The following CDH12 variants were observed in gnomAD, a reference collection of about 807,000 sequenced individuals.
The protein encoded by CDH12 is cadherin-12.
Under a neutral mutation model 74.1 loss-of-function variants are expected in CDH12, and 41 were observed. The ratio of observed to expected loss-of-function variants is 0.55; its 90% confidence interval spans 0.43 to 0.72. The LOEUF (loss-of-function observed/expected upper bound fraction) is 0.72, where lower values mean the gene tolerates loss of function less well. Ranked by LOEUF, CDH12 falls within the 30% of genes least tolerant of loss-of-function variation. CDH12 has a pLI of 0.00. For missense variants in CDH12, 945 were observed against 977.2 expected, an observed-to-expected ratio of 0.97 and a Z score of 0.44; for synonymous variants, 399 against 355.0, an observed-to-expected ratio of 1.12 and a Z score of -1.39.
At chr5:21,901,018 T>C (rs758432852) in intron 6 of CDH12, among the ~76,000 whole-genome samples, 7 of 152,192 alleles carry the variant, frequency 4.6e-5, no homozygotes, top group Non-Finnish European at 1.0e-4. Flanking sequence ...GTAAATATTG[T>C]GAAATAATAT....
At chr5:22,245,010 A>G (rs1386101940) in intron 3 of CDH12, among the ~76,000 whole-genome samples, 1 of 152,098 alleles carries the variant, frequency 6.6e-6, no homozygotes, top group East Asian at 1.9e-4. Flanking sequence ...GGGCCCGCTG[A>G]TATGGTGGAG....
chr5:22,161,022 T>C (rs957557154), intron 4 of CDH12, among the ~76,000 whole-genome samples: 11 of 152,112 alleles, frequency 7.2e-5, no homozygotes, highest in Non-Finnish European at 1.6e-4. Context: ...CATTTAACAC[T>C]CATGACCCTT....
chr5:22,400,352 T>A (rs112807385), intron 3 of CDH12, among the ~76,000 whole-genome samples: 2,418 of 152,238 alleles, frequency 0.016, 37 homozygotes, highest in Non-Finnish European at 0.026. Flanking sequence ...TCTTGGAGTT[T>A]GAGTTGAATG....
At chr5:22,551,676 T>C (rs1435594497) in intron 1 of CDH12, among the ~76,000 whole-genome samples, 1 of 151,990 alleles carries the variant, frequency 6.6e-6, no homozygotes, top group Non-Finnish European at 1.5e-5. Context: ...GGGACACAGA[T>C]AGTTATCTAA....
At chr5:21,805,850 T>C (rs1245902830) in intron 9 of CDH12, among the ~76,000 whole-genome samples, 4 of 152,204 alleles carry the variant, frequency 2.6e-5, no homozygotes, top group Non-Finnish European at 5.9e-5. Context: ...GTTGAACTAA[T>C]TTATCTCTTG....
chr5:22,372,687 G>A (rs1371308589), intron 3 of CDH12, among the ~76,000 whole-genome samples: 1 of 152,142 alleles, frequency 6.6e-6, no homozygotes, highest in African/African-American at 2.4e-5. Context: ...CAGACACAGA[G>A]AAACTGTAAG....
chr5:22,711,138 G>A (rs1743267541), intron 1 of CDH12, among the ~76,000 whole-genome samples: 1 of 151,962 alleles, frequency 6.6e-6, no homozygotes, highest in African/African-American at 2.4e-5. Context: ...AACAGTGAAT[G>A]ATAAAGAACA....
intron 6 of CDH12, among the ~76,000 whole-genome samples, chr5:21,919,933 T>A (rs974788643): frequency 6.6e-6 from 1 of 152,198 alleles, no homozygotes; most frequent in Non-Finnish European, 1.5e-5. Context: ...TCTCTTGATG[T>A]TTCCAGTGAT....
chr5:21,802,711 C>A (rs747039287), intron 9 of CDH12, among the ~76,000 whole-genome samples: 65 of 150,580 alleles, frequency 4.3e-4, no homozygotes, highest in Non-Finnish European at 8.1e-4. Context: ...CCTGCCTCAG[C>A]TTCCGGAGGA....
chr5:22,420,428 G>T (rs983320310), intron 2 of CDH12, among the ~76,000 whole-genome samples: 5 of 152,070 alleles, frequency 3.3e-5, no homozygotes, highest in African/African-American at 7.2e-5. Flanking sequence ...ATTAAATAGA[G>T]AATCCTTTCC....
intron 13 of CDH12, 29 bp downstream of exon 13, chr5:21,760,529 G>T (rs778998092): frequency 1.9e-6 from 2 of 1,046,582 alleles, no homozygotes; most frequent in Non-Finnish European, 3.0e-6. Flanking sequence ...TACATGATAA[G>T]AGGTAAATTT....
At chr5:22,658,640 G>C (rs986382587) in intron 1 of CDH12, among the ~76,000 whole-genome samples, 1 of 151,908 alleles carries the variant, frequency 6.6e-6, no homozygotes, top group Admixed American at 6.6e-5. Context: ...AATCCCAGCT[G>C]ATCATTGTCT....
intron 2 of CDH12, among the ~76,000 whole-genome samples, chr5:22,448,335 A>T (rs1439789774): frequency 6.6e-6 from 1 of 151,982 alleles, no homozygotes; most frequent in Non-Finnish European, 1.5e-5. Flanking sequence ...ATGCAAAAAA[A>T]AAATATGCCA....
intron 6 of CDH12, among the ~76,000 whole-genome samples, chr5:21,915,776 G>C (rs1450053598): frequency 2.0e-5 from 3 of 150,900 alleles, no homozygotes; most frequent in Admixed American, 1.3e-4. Context: ...GACAAGTTAC[G>C]CTCCATCCGC....
chr5:22,547,714 T>C (rs534427599), intron 1 of CDH12, among the ~76,000 whole-genome samples: 5 of 152,198 alleles, frequency 3.3e-5, no homozygotes, highest in African/African-American at 2.4e-5. Context: ...TATGTTTTGA[T>C]AGTGGGTTAA....
chr5:22,777,708 G>A (rs370265482), intron 1 of CDH12, among the ~76,000 whole-genome samples: 14 of 152,028 alleles, frequency 9.2e-5, no homozygotes, highest in South Asian at 2.1e-4. Flanking sequence ...AAAGGTGTTC[G>A]TCATTATAAA....
intron 4 of CDH12, among the ~76,000 whole-genome samples, chr5:22,091,794 A>C (rs547325321): frequency 2.6e-4 from 39 of 152,020 alleles, no homozygotes; most frequent in African/African-American, 9.4e-4. Flanking sequence ...CACACTTTTC[A>C]CTTTTAAAGC....
intron 3 of CDH12, among the ~76,000 whole-genome samples, chr5:22,375,224 T>A (rs1339029538): frequency 6.6e-6 from 1 of 152,076 alleles, no homozygotes; most frequent in East Asian, 1.9e-4. Flanking sequence ...CAATAAATGG[T>A]ATTGGGAATT....
chr5:22,423,276 A>G lies in CDH12; in HGVS notation c.-427-17925T>C, dbSNP rs141063056. On this transcript the variant is annotated intron_variant, in intron 2 of 14. Coordinates refer to ENST00000382254, the MANE Select transcript of CDH12 (RefSeq NM_004061.5). ...AGATAGCTTTTATTTGGGCCCCCTTAAAAGGACCTATGGCATACCAGCTAT... is the reference window on the plus strand; with the variant it reads ...AGATAGCTTTTATTTGGGCCCCCTTGAAAGGACCTATGGCATACCAGCTAT... Among the ~76,000 whole-genome samples the G allele has an allele frequency of 1.9e-4, 29 of 151,916 alleles. No individual in the cohort carries two copies. The East Asian group carries it at 5.6e-3, about 29-fold the overall frequency.
Sources: gnomAD v4.1 joint callset for allele counts (sites outside exome capture counted in the v4.1 genomes callset) on GRCh38, gnomAD v4.1.1 for gene constraint, MANE v1.5 for transcripts, NCBI Gene and HGNC (gene_info 2026-07-23, HGNC 2026-07-21) for gene names.